Variants in PIGN observed in about 807,000 individuals in gnomAD.
The protein encoded by PIGN is phosphatidylinositol glycan anchor biosynthesis class N.
In PIGN, 117 loss-of-function variants were observed where a neutral mutation model predicts 125.4. The ratio of observed to expected loss-of-function variants is 0.93; its 90% confidence interval spans 0.80 to 1.09. PIGN has a LOEUF of 1.09. Among genes scored for constraint, PIGN ranks in the 50% least tolerant of loss-of-function variants. The probability of loss-of-function intolerance (pLI) is 0.00; values close to 1 mark genes in which losing one functional copy is unlikely to be tolerated. For synonymous variants in PIGN, 392 were observed against 377.8 expected (o/e 1.04, Z -0.44); for missense variants, 1,075 against 1,094.9 (o/e 0.98, Z 0.26).
chr18:62,066,183 C>A (rs1050780025), intron 30 of PIGN, among the ~76,000 whole-genome samples: 26 of 152,292 alleles, frequency 1.7e-4, no homozygotes, highest in Admixed American at 8.5e-4. Flanking sequence ...ACATAAATAA[C>A]AAATCACTTT....
rs1379216492 is a variant in PIGN, at chr18:62,084,592, G to C, written c.2441C>G (p.Ser814Cys). 1 of 1,554,686 alleles carries C rather than the reference G, an allele frequency of 6.4e-7. No individual in the cohort carries two copies. Among genetic ancestry groups the C allele is most frequent in the Admixed American group, 1.9e-5 (1 of 52,148 alleles). The change falls in exon 27 of 31, where the codon TCT (serine) becomes TGT (cysteine). Residue 814 changes from serine to cysteine, a missense_variant. This residue lies in a region of PIGN where 915 missense variants were observed against 908.7 expected (regional missense o/e 1.01). Transcript: ENST00000640252. ...IASINSFDLA[S>C]VYCFLTVFSP... ...GAACACAGTCAGAAAGCAATAGACA[G>C]AGGCAAGATCAAAGCTAGGGAATTA...
chr18:62,135,363 G>T (rs750125002), intron 14 of PIGN, among the ~76,000 whole-genome samples: 22 of 152,132 alleles, frequency 1.4e-4, no homozygotes, highest in Admixed American at 6.5e-4. Flanking sequence ...AGCCAGACAG[G>T]TCTACAGGCA....
chr18:62,127,610 G>A (rs2035581635), intron 14 of PIGN, among the ~76,000 whole-genome samples: 1 of 152,128 alleles, frequency 6.6e-6, no homozygotes, highest in Admixed American at 6.5e-5. Context: ...ACTGTGAGCG[G>A]GTAGTCATGA....
chr18:62,038,207 G>T (rs575613112), downstream of PIGN, among the ~76,000 whole-genome samples: 4 of 151,164 alleles, frequency 2.6e-5, no homozygotes, highest in South Asian at 8.4e-4. Flanking sequence ...CTTAGCAGAA[G>T]ATAAAAACCA....
At chr18:62,062,499 C>T (rs17069409) in intron 30 of PIGN, among the ~76,000 whole-genome samples, 3,388 of 152,154 alleles carry the variant, frequency 0.022, 105 homozygotes, top group African/African-American at 0.058. Context: ...ACTGGCTGTG[C>T]CTTTGTCTTC....
At chr18:62,113,437 G>T in intron 15 of PIGN, 121 bp from the exon 16 acceptor site, 1 of 626,250 alleles carries the variant, frequency 1.6e-6, no homozygotes, top group Non-Finnish European at 2.7e-6. Flanking sequence ...GTGAATAACT[G>T]TAGATGATGG....
chr18:62,135,619 C>CTTTTTTTTTTTTTTTTTTTTT (rs72454339), intron 14 of PIGN: 2 of 68,682 alleles, frequency 2.9e-5, no homozygotes, highest in Non-Finnish European at 5.1e-5. Flanking sequence ...TTTTCTTTGT[C>CTTTTTTTTTTTTTTTTTTTTT]TTTTTTTTTT....
At position 62,062,882 on chromosome 18, in the gene PIGN, C is replaced by CTTTTTTTTTTTTTTTTTTTTTT. The variant is rs71160811; in HGVS notation, c.2672+9769_2672+9790dup. Among the ~76,000 whole-genome samples the CTTTTTTTTTTTTTTTTTTTTTT allele has an allele frequency of 1.0e-3, 22 of 21,066 alleles. 3 individuals are homozygous for CTTTTTTTTTTTTTTTTTTTTTT. The highest frequency in any genetic ancestry group is 1.6e-3 in the East Asian group (1 of 618). 13.8% of individuals were successfully genotyped at this position (21,066 alleles called of 152,430 possible). Reference sequence around the variant, plus strand: ...ATTTGTTTTATGCTTTTGTATTCTGCTTTTTTTTTTTTTTTTTTTTTTTTT... The same window carrying CTTTTTTTTTTTTTTTTTTTTTT: ...ATTTGTTTTATGCTTTTGTATTCTGCTTTTTTTTTTTTTTTTTTTTTTTTTTTTTTTTTTTTTTTTTTTTTTT... On this transcript the variant is annotated intron_variant, in intron 30 of 30. Transcript: ENST00000640252.
At chr18:62,055,617 T>C (rs926210367) in intron 30 of PIGN, among the ~76,000 whole-genome samples, 3 of 152,180 alleles carry the variant, frequency 2.0e-5, no homozygotes, top group African/African-American at 4.8e-5. Flanking sequence ...TGTTATACTA[T>C]AGTTCTGCAT....
Position 62,105,547 on chromosome 18 carries a change from G to A in PIGN, c.1855C>T (p.Leu619=). ...AAAATACAATATTATTCATACACTA[G>A]AGAGATGTCTGGCTTTCGACCTACA... ...PVVGRKPDIS[L]VMGAGLLVLL... The change falls in exon 20 of 31, where the codon CTA becomes TTA. Residue 619 remains leucine (L), a synonymous_variant. Coordinates refer to ENST00000640252, the MANE Select transcript of PIGN (RefSeq NM_176787.5). 6.6e-7 allele frequency: 1 copy of A among 1,515,182 alleles called. No homozygotes were observed. Among genetic ancestry groups the A allele is most frequent in the Non-Finnish European group, 9.0e-7 (1 of 1,113,396 alleles). 93.9% of individuals were successfully genotyped at this position (1,515,182 alleles called of 1,614,324 possible).
intron 2 of PIGN, among the ~76,000 whole-genome samples, chr18:62,163,151 AG>A (rs1033057340): frequency 6.6e-6 from 1 of 152,264 alleles, no homozygotes; most frequent in South Asian, 2.1e-4. Flanking sequence ...CTAGCCAGTA[AG>A]GGTGTATACT....
intron 1 of PIGN, among the ~76,000 whole-genome samples, chr18:62,163,966 C>T (rs2037043929): frequency 6.6e-6 from 1 of 152,176 alleles, no homozygotes; most frequent in Non-Finnish European, 1.5e-5. Context: ...TTTTACTTAG[C>T]ATAATGTCCT....
At chr18:62,086,363 A>C (rs988044488) in intron 25 of PIGN, among the ~76,000 whole-genome samples, 1 of 152,224 alleles carries the variant, frequency 6.6e-6, no homozygotes, top group Non-Finnish European at 1.5e-5. Flanking sequence ...TCATGCCTGT[A>C]ATCCCAGCAC....
intron 25 of PIGN, 52 bp from the exon 26 acceptor site, chr18:62,085,316 C>T: frequency 8.1e-7 from 1 of 1,234,460 alleles, no homozygotes; most frequent in Non-Finnish European, 1.2e-6. Flanking sequence ...TACAAATTTC[C>T]TTTTCATTTA....
Position 62,113,172 on chromosome 18 carries a change from G to A in PIGN, c.1396C>T (p.His466Tyr), listed in dbSNP as rs149709766. The change falls in exon 16 of 31, where the codon CAT (histidine) becomes TAT (tyrosine). Residue 466 changes from histidine (H) to tyrosine (Y), a missense_variant. By Grantham distance (83) the His-to-Tyr change is moderately conservative. Around this residue, in one of 3 missense-constraint regions of PIGN, gnomAD observed 915 missense variants for 908.7 expected, o/e 1.01. Coordinates refer to ENST00000640252, the MANE Select transcript of PIGN (RefSeq NM_176787.5). ...SYASLLIIKS[H>Y]SNLIKGVSKE... ...CTAACACCTTTTATAAGGTTGGAAT[G>A]AGACTTGATGATCAACAAAGAGGCA... 4.7e-5 allele frequency: 76 copies of A among 1,612,006 alleles called. No individual in the cohort carries two copies. The East Asian group carries it at 1.6e-3, about 33-fold the overall frequency.
At chr18:62,166,490 A>C (rs750323368) in intron 1 of PIGN, among the ~76,000 whole-genome samples, 23 of 152,222 alleles carry the variant, frequency 1.5e-4, no homozygotes, top group Non-Finnish European at 1.9e-4. Context: ...TGTGGAAGAC[A>C]GTGTGGCAAT....
intron 30 of PIGN, chr18:62,070,448 G>C (rs1039803724): frequency 2.5e-6 from 1 of 394,706 alleles, no homozygotes; most frequent in Non-Finnish European, 4.5e-6. Context: ...AGCATCCACA[G>C]TCTATTGGGA....
At chr18:62,149,107 T>C (rs1568231173) in intron 7 of PIGN, among the ~76,000 whole-genome samples, 1 of 152,196 alleles carries the variant, frequency 6.6e-6, no homozygotes, top group Non-Finnish European at 1.5e-5. Flanking sequence ...GTTGTTCACA[T>C]AAATGCCTTT....
Position 62,146,965 on chromosome 18 carries a change from A to G in PIGN, c.805+6T>C. 1.2e-6 allele frequency: 2 copies of G among 1,611,012 alleles called. No individual in the cohort carries two copies. Among genetic ancestry groups the G allele is most frequent in the Non-Finnish European group, 8.5e-7 (1 of 1,177,802 alleles). Reference sequence around the variant, plus strand: ...TAAGGTACATATCAATTAAAGACACACTAACCCCAGTCTGTCATTCCATGG... The same window carrying G: ...TAAGGTACATATCAATTAAAGACACGCTAACCCCAGTCTGTCATTCCATGG... On this transcript the variant is annotated splice_donor_region_variant and intron_variant, in intron 9 of 30. Coordinates refer to ENST00000640252, the MANE Select transcript of PIGN (RefSeq NM_176787.5).
Sources: allele counts gnomAD v4.1 joint callset (sites outside exome capture counted in the v4.1 genomes callset), GRCh38; gene constraint gnomAD v4.1.1; regional missense constraint gnomAD v4.1.1; transcripts MANE v1.5; gene names NCBI Gene and HGNC (gene_info 2026-07-23, HGNC 2026-07-21).